The following PFKP variants were observed in gnomAD, a reference collection of about 807,000 sequenced individuals.
The protein encoded by PFKP is phosphofructokinase, platelet.
A neutral mutation model predicts 94.3 loss-of-function variants in PFKP; 101 were observed. The ratio of observed to expected loss-of-function variants is 1.07; its 90% CI spans 0.91 to 1.26. The LOEUF is 1.26. PFKP is among the 50% of genes most tolerant of loss of function. The pLI is 0.00. For synonymous variants in PFKP, 573 were observed against 432.6 expected (o/e 1.32, Z -4.03); for missense variants, 1,145 against 1,103.3 (o/e 1.04, Z -0.53).
At chr10:3,080,995 G>A (rs1415496568) in intron 1 of PFKP, among the ~76,000 whole-genome samples, 2 of 152,168 alleles carry the variant, frequency 1.3e-5, no homozygotes, top group East Asian at 3.8e-4. Context: ...TGAGTTTGAT[G>A]TTCTTGAGAG....
At chr10:3,110,468 G>A (rs896423712) in intron 10 of PFKP, among the ~76,000 whole-genome samples, 4 of 146,484 alleles carry the variant, frequency 2.7e-5, no homozygotes, top group Admixed American at 7.2e-5. Context: ...CATCCACCTC[G>A]GCCTCCCAAA....
At chr10:3,074,751 A>G (rs1350463405) in intron 1 of PFKP, among the ~76,000 whole-genome samples, 2 of 152,302 alleles carry the variant, frequency 1.3e-5, no homozygotes, top group South Asian at 2.1e-4. Flanking sequence ...AGAATAGCAA[A>G]AAGTGGGAAA....
intron 17 of PFKP, among the ~76,000 whole-genome samples, chr10:3,131,125 AGAT>A (rs1838537547): frequency 6.6e-6 from 1 of 152,022 alleles, no homozygotes; most frequent in African/African-American, 2.4e-5. Context: ...TTTTATAAAA[AGAT>A]GTTTTTTATC....
chr10:3,120,163 T>G lies in PFKP; in HGVS notation c.1683+119T>G. 5.0e-6 allele frequency: 4 copies of G among 793,022 alleles called. No homozygotes were observed. In the East Asian group the frequency reaches 7.7e-5, roughly 15 times the overall value. 49.1% of individuals were successfully genotyped at this position (793,022 alleles called of 1,614,324 possible). A position where few individuals can be genotyped will look rare whatever the true frequency, so the allele number is the denominator to read the frequency against. On this transcript the variant is annotated intron_variant, in intron 16 of 21. Coordinates refer to ENST00000381125, the MANE Select transcript of PFKP (RefSeq NM_002627.5). The stretch of plus-strand genomic sequence containing the variant: ...TTTACAAATACCCTGAATGAGAGCT[T>G]CTCGTTCTTTTTTTCCCCCAGAAAA...
At chr10:3,113,546 G>A (rs1167724567) in intron 13 of PFKP, 28 bp downstream of exon 13, 4 of 1,605,688 alleles carry the variant, frequency 2.5e-6, no homozygotes, top group Non-Finnish European at 3.4e-6. Flanking sequence ...CCGTAGGCAG[G>A]CAGACACCCT....
At chr10:3,109,569 C>T (rs980846514) in intron 10 of PFKP, 89 bp downstream of exon 10, 47 of 1,464,978 alleles carry the variant, frequency 3.2e-5, no homozygotes, top group Admixed American at 2.9e-4. Flanking sequence ...TTGGGTGTCT[C>T]GTCGGTGCAC....
chr10:3,119,988 G>A lies in PFKP; in HGVS notation c.1627G>A (p.Val543Met). ...GGTTCCCGCTACTGTGTCCAACAAT[G>A]TGCCGGGTTCCGATTTCAGCATCGG... ...VMVPATVSNN[V>M]PGSDFSIGAD... The change falls in exon 16 of 22, where the codon GTG (valine) becomes ATG (methionine). Residue 543 changes from valine (V) to methionine (M), a missense_variant. Around this residue, in one of 3 missense-constraint regions of PFKP, gnomAD observed 1,119 missense variants for 1,062.8 expected, o/e 1.05. Transcript: ENST00000381125. The A allele has an allele frequency of 6.2e-7, 1 of 1,614,138 alleles. No individual in the cohort carries two copies.
intron 1 of PFKP, among the ~76,000 whole-genome samples, chr10:3,080,662 A>G (rs894299071): frequency 1.3e-5 from 2 of 152,132 alleles, no homozygotes; most frequent in Non-Finnish European, 2.9e-5. Flanking sequence ...CAGCTCTCCA[A>G]CGGGGTGGGG....
intron 4 of PFKP, 60 bp downstream of exon 4, chr10:3,101,614 C>T (rs1835005259): frequency 2.4e-6 from 3 of 1,244,004 alleles, no homozygotes; most frequent in Admixed American, 3.2e-5. Flanking sequence ...AGCTTTGGAA[C>T]CGACAGGTTT....
At chr10:3,126,095 C>G (rs990023042) in intron 16 of PFKP, among the ~76,000 whole-genome samples, 1 of 152,194 alleles carries the variant, frequency 6.6e-6, no homozygotes, top group African/African-American at 2.4e-5. Flanking sequence ...AGTGAAAACT[C>G]CCAGTCCTGC....
At chr10:3,110,931 T>C (rs1224183244) in intron 10 of PFKP, among the ~76,000 whole-genome samples, 1 of 151,892 alleles carries the variant, frequency 6.6e-6, no homozygotes, top group East Asian at 1.9e-4. Flanking sequence ...TGTGTGCATG[T>C]TTTTGTGAGG....
intron 16 of PFKP, among the ~76,000 whole-genome samples, chr10:3,123,920 G>A (rs1316085670): frequency 6.6e-6 from 1 of 152,120 alleles, no homozygotes; most frequent in African/African-American, 2.4e-5. Context: ...CATGGGGTGC[G>A]GGGGACCCTG....
chr10:3,135,289 C>G (rs946606523), intron 20 of PFKP, among the ~76,000 whole-genome samples: 1 of 152,066 alleles, frequency 6.6e-6, no homozygotes, highest in South Asian at 2.1e-4. Flanking sequence ...AAATGACAGT[C>G]TATAAAAACC....
Position 3,099,356 on chromosome 10 carries a change from G to A in PFKP, c.264+4G>A. 6.2e-7 allele frequency: 1 copy of A among 1,612,372 alleles called. No homozygotes were observed. Among genetic ancestry groups the A allele is most frequent in the Non-Finnish European group, 8.5e-7 (1 of 1,178,400 alleles). On this transcript the variant is annotated splice_donor_region_variant and intron_variant, in intron 3 of 21. Coordinates refer to ENST00000381125, the MANE Select transcript of PFKP (RefSeq NM_002627.5). ...TGTCTCCAGCATCCTGCAAGTGGTA[G>A]GTACTGGGCTGCGTCCACAGGGTTC... is the stretch of plus-strand genomic sequence containing the variant.
At chr10:3,084,333 T>A (rs1833319414) in intron 2 of PFKP, among the ~76,000 whole-genome samples, 1 of 152,228 alleles carries the variant, frequency 6.6e-6, no homozygotes, top group Non-Finnish European at 1.5e-5. Context: ...TTCCCCTGTC[T>A]GCTTTCTAAG....
chr10:3,123,762 G>A (rs1325261616), intron 16 of PFKP, among the ~76,000 whole-genome samples: 8 of 152,262 alleles, frequency 5.3e-5, no homozygotes, highest in African/African-American at 1.2e-4. Context: ...CCAGTGCCCC[G>A]ACATGAGTGT....
chr10:3,130,421 T>C (rs1279994245), intron 17 of PFKP, among the ~76,000 whole-genome samples: 2 of 152,170 alleles, frequency 1.3e-5, no homozygotes, highest in South Asian at 2.1e-4. Context: ...CATCTGTGGC[T>C]CTTTTAGGGA....
Position 3,109,308 on chromosome 10 carries a change from GGGCAGGACGGGA to G in PFKP, c.964-43_964-32del, listed in dbSNP as rs1251143450. 4.4e-6 allele frequency: 7 copies of G among 1,602,682 alleles called. No homozygotes were observed. In the South Asian group the frequency reaches 7.7e-5, roughly 18 times the overall value. On this transcript the variant is annotated intron_variant, in intron 9 of 21. Coordinates refer to ENST00000381125, the MANE Select transcript of PFKP (RefSeq NM_002627.5). ...GGAAAGATAGGAGGTGACAGGGACAGGGCAGGACGGGAGGCTGCCCCTGACCCACATGGACCT... is the reference window on the plus strand; with the variant it reads ...GGAAAGATAGGAGGTGACAGGGACAGGGCTGCCCCTGACCCACATGGACCT...
At chr10:3,100,862 C>CAAAAGAAAAAAAAAAAAAAA (rs754923021) in intron 3 of PFKP, 2 of 534,432 alleles carry the variant, frequency 3.7e-6, no homozygotes, top group South Asian at 2.4e-5. Context: ...GTATGTGGTG[C>CAAAAGAAAAAAAAAAAAAAA]AAAAAAAAAA....
Sources: gnomAD v4.1 joint callset for allele counts (sites outside exome capture counted in the v4.1 genomes callset) on GRCh38, gnomAD v4.1.1 for gene constraint, gnomAD v4.1.1 regional missense constraint, MANE v1.5 for transcripts, NCBI Gene and HGNC (gene_info 2026-07-23, HGNC 2026-07-21) for gene names.